SNX17: variants seen among roughly 807,000 people sequenced by gnomAD.
SNX17 encodes sorting nexin 17, also known as sorting nexin-17.
SNX17 carries 35 observed loss-of-function variants against 64.3 expected under a neutral mutation model. The observed-to-expected ratio is 0.54, with a 90% confidence interval of 0.42 to 0.72. The LOEUF is 0.72. Among genes scored for constraint, SNX17 ranks in the 30% least tolerant of loss-of-function variants. SNX17 has a pLI of 0.00. For missense variants in SNX17, 538 were observed against 610.0 expected, an observed-to-expected ratio of 0.88 and a Z score of 1.24; for synonymous variants, 259 against 230.2, an observed-to-expected ratio of 1.13 and a Z score of -1.13.
intron 6 of SNX17, 54 bp downstream of exon 6, chr2:27,374,229 G>GC (rs1401387882): frequency 2.5e-6 from 4 of 1,576,696 alleles, no homozygotes; most frequent in South Asian, 1.1e-5. Context: ...AGAGTTTGCA[G>GC]CCCCCCTAAC....
At position 27,375,220 on chromosome 2, in the gene SNX17, G is replaced by A. The variant is rs1683051483; in HGVS notation, c.774+67G>A. On this transcript the variant is annotated intron_variant, in intron 9 of 14. Transcript: ENST00000233575. The surrounding 1 kb of genome is among the most constrained non-coding windows in gnomAD (Gnocchi z 4.1). ...GTGGCGCGATCTTGGCTCACTGCAAGCTCTGCCTCTCAGATTCATGCCATT... is the reference window on the plus strand; with the variant it reads ...GTGGCGCGATCTTGGCTCACTGCAAACTCTGCCTCTCAGATTCATGCCATT... 23 of 1,436,126 alleles carry A rather than the reference G, an allele frequency of 1.6e-5. No individual in the cohort carries two copies. The highest frequency in any genetic ancestry group is 1.9e-5 in the Non-Finnish European group (20 of 1,029,248). 89.0% of individuals were successfully genotyped at this position (1,436,126 alleles called of 1,614,324 possible).
chr2:27,374,996 G>A, intron 8 of SNX17, 65 bp from the exon 9 acceptor site: 1 of 1,443,718 alleles, frequency 6.9e-7, no homozygotes, highest in African/African-American at 1.4e-5. Context: ...CAGAGGTAAT[G>A]GTAGACGCTT....
intron 6 of SNX17, 70 bp from the exon 7 acceptor site, chr2:27,374,276 G>T (rs1682938375): frequency 6.6e-7 from 1 of 1,516,618 alleles, no homozygotes; most frequent in South Asian, 1.1e-5. Flanking sequence ...ATTGCCTCAG[G>T]GCACTTCTTT....
In SNX17 at chr2:27,374,527, G is replaced by T. The variant is rs930331161; in HGVS notation, c.611+94G>T. 8.4e-6 allele frequency: 11 copies of T among 1,317,244 alleles called. No homozygotes were observed. In the Admixed American group the frequency reaches 1.6e-4, roughly 19 times the overall value. 81.6% of individuals were successfully genotyped at this position (1,317,244 alleles called of 1,614,324 possible). A position where few individuals can be genotyped will look rare whatever the true frequency, so the allele number is the denominator to read the frequency against. On this transcript the variant is annotated intron_variant, in intron 7 of 14. Coordinates refer to ENST00000233575, the MANE Select transcript of SNX17 (RefSeq NM_014748.4). ...TGAGACAGAATAATCTGGACAAGGG[G>T]GTGTAGTGCTGGGTGTTTCTGCCAG...
intron 3 of SNX17, 66 bp from the exon 4 acceptor site, chr2:27,373,181 A>T: frequency 6.2e-7 from 1 of 1,610,482 alleles, no homozygotes; most frequent in Non-Finnish European, 8.5e-7. Context: ...GAACCTACTG[A>T]GAGGAGGACT....
At chr2:27,372,153 G>A (rs1682670169) in intron 2 of SNX17, among the ~76,000 whole-genome samples, 1 of 152,218 alleles carries the variant, frequency 6.6e-6, no homozygotes, top group South Asian at 2.1e-4. Context: ...AAAATGCTGA[G>A]ATTACAGGCA....
Position 27,376,774 on chromosome 2 carries a change from CCT to C in SNX17, c.*56_*57del. On this transcript the variant is annotated 3_prime_UTR_variant, in exon 15 of 15. Coordinates refer to ENST00000233575, the MANE Select transcript of SNX17 (RefSeq NM_014748.4). ...CCCAGAGGAATTTACAGAAACTTGC[CCT>C]GTGCCTGTGTCCCCCATGCTAGGGG... 6.9e-7 allele frequency: 1 copy of C among 1,448,422 alleles called. No individual in the cohort carries two copies. The highest frequency in any genetic ancestry group is 9.7e-7 in the Non-Finnish European group (1 of 1,035,716). The allele number at this position is 1,448,422 out of a possible 1,614,324, so 89.7% of individuals were successfully genotyped here.
intron 3 of SNX17, 197 bp from the exon 4 acceptor site, chr2:27,373,050 T>C (rs1250622670): frequency 1.3e-6 from 2 of 1,548,762 alleles, no homozygotes; most frequent in Admixed American, 2.0e-5. Flanking sequence ...TTCTATAGAC[T>C]GGACTCACCT....
Position 27,374,061 on chromosome 2 carries a change from C to CTGTA in SNX17, c.433-23_433-20dup. 1.9e-6 allele frequency: 3 copies of CTGTA among 1,611,742 alleles called. No individual in the cohort carries two copies. The East Asian group carries it at 6.7e-5, about 36-fold the overall frequency. On this transcript the variant is annotated intron_variant, in intron 5 of 14. Transcript: ENST00000233575. ...GATTGGAACCAGCCAGTATGATGAGCTGTACTTCTATCCCTATCCCCAGGC... is the reference window on the plus strand; with the variant it reads ...GATTGGAACCAGCCAGTATGATGAGCTGTATGTACTTCTATCCCTATCCCCAGGC...
At position 27,371,254 on chromosome 2, in the gene SNX17, CTT is replaced by C. The variant is rs1558299724; in HGVS notation, c.64-12_64-11del. ...ACCGCAACCCTAAAATGCTTGACTACTTTTGTGTCCTCAGGCCTATAACATTC... is the reference window on the plus strand; with the variant it reads ...ACCGCAACCCTAAAATGCTTGACTACTTGTGTCCTCAGGCCTATAACATTC... On this transcript the variant is annotated splice_polypyrimidine_tract_variant and intron_variant, in intron 1 of 14. Transcript: ENST00000233575. 7 of 1,612,918 alleles carry C rather than the reference CTT, an allele frequency of 4.3e-6. No homozygotes were observed. In the South Asian group the frequency reaches 7.7e-5, roughly 18 times the overall value.
At position 27,372,671 on chromosome 2, in the gene SNX17, A is replaced by C; in HGVS notation, c.187A>C (p.Lys63Gln). ...TGTGCTTCCTGCATTCCCCCCAAAG[A>C]AGCTTTTCTCTCTGACTCCTGCTGA... ...ANVLPAFPPK[K>Q]LFSLTPAEVE... is the part of the protein sequence containing the mutation. Residue 63 changes from lysine to glutamine, a missense_variant, in exon 3 of 15, where the codon AAG becomes CAG. This residue lies in a region of SNX17 where 505 missense variants were observed against 550.4 expected (regional missense o/e 0.92). Coordinates refer to ENST00000233575, the MANE Select transcript of SNX17 (RefSeq NM_014748.4). 3 of 1,614,190 alleles carry C rather than the reference A, an allele frequency of 1.9e-6. No homozygotes were observed. Among genetic ancestry groups the C allele is most frequent in the Non-Finnish European group, 2.5e-6 (3 of 1,180,030 alleles).
Position 27,375,630 on chromosome 2 carries a change from A to AGCTCCGCCTGCC in SNX17, c.900_911dup (p.Leu301_Pro304dup). On this transcript the variant is annotated inframe_insertion, in exon 10 of 15. Coordinates refer to ENST00000233575, the MANE Select transcript of SNX17 (RefSeq NM_014748.4). The surrounding 1 kb of genome is among the most constrained non-coding windows in gnomAD (Gnocchi z 4.1). ...GCGGGCAACAGTGAGCTCAGCCTGC[A>AGCTCCGCCTGCC]GCTCCGCCTGCCTGGCCAGCAACTC... 6.2e-7 allele frequency: 1 copy of AGCTCCGCCTGCC among 1,614,138 alleles called. No individual in the cohort carries two copies. Among genetic ancestry groups the AGCTCCGCCTGCC allele is most frequent in the Non-Finnish European group, 8.5e-7 (1 of 1,180,022 alleles).
chr2:27,372,683 C>T lies in SNX17; in HGVS notation c.199C>T (p.Leu67=), dbSNP rs752920720. The change falls in exon 3 of 15, where the codon CTG becomes TTG. Residue 67 remains leucine, a synonymous_variant. Transcript: ENST00000233575. ...ATTCCCCCCAAAGAAGCTTTTCTCT[C>T]TGACTCCTGCTGAGGTAGAACAGAG... ...PAFPPKKLFS[L]TPAEVEQRRE... is the part of the protein sequence containing the mutation. 6.2e-7 allele frequency: 1 copy of T among 1,614,212 alleles called. No individual in the cohort carries two copies. Among genetic ancestry groups the T allele is most frequent in the Admixed American group, 1.7e-5 (1 of 60,028 alleles).
rs369023576 is a variant in SNX17 at position 27,375,726 on chromosome 2, G to C, written c.978+17G>C. 3.3e-4 allele frequency: 527 copies of C among 1,613,428 alleles called. No homozygotes were observed. Among genetic ancestry groups the C allele is most frequent in the Non-Finnish European group, 4.2e-4 (492 of 1,179,970 alleles). ...ACCTCCTCTGTGAGTCGGGTTAGGA[G>C]GGGGAAGGGCCTGGGTTGGGGGCCC... On this transcript the variant is annotated intron_variant, in intron 10 of 14. Transcript: ENST00000233575. This position sits in a 1 kb window ranked among gnomAD's most constrained non-coding sequence, Gnocchi z 4.1.
At chr2:27,373,389 G>A in intron 4 of SNX17, 78 bp downstream of exon 4, 1 of 1,488,142 alleles carries the variant, frequency 6.7e-7, no homozygotes, top group Non-Finnish European at 9.3e-7. Flanking sequence ...TTGAGACAGA[G>A]TCTTGCTCTT....
chr2:27,374,136 C>T lies in SNX17; in HGVS notation c.484C>T (p.Leu162=). The stretch of plus-strand genomic sequence containing the variant: ...AGATGACTTGATTGGATACTTTAGT[C>T]TATTCTTAGTTCGAGAAAAAGAGGA... The part of the protein sequence containing the change: ...LPDDLIGYFS[L]FLVREKEDGA... The change falls in exon 6 of 15, where the codon CTA becomes TTA. Residue 162 remains leucine, a synonymous_variant. Transcript: ENST00000233575. 3 of 1,614,146 alleles carry T rather than the reference C, an allele frequency of 1.9e-6. No individual in the cohort carries two copies. The highest frequency in any genetic ancestry group is 2.5e-6 in the Non-Finnish European group (3 of 1,180,018).
At chr2:27,374,240 T>TGCC in intron 6 of SNX17, 65 bp downstream of exon 6, 1 of 1,410,710 alleles carries the variant, frequency 7.1e-7, no homozygotes, top group Non-Finnish European at 1.0e-6. Context: ...CCCCCCTAAC[T>TGCC]CCCCACCCCC....
At chr2:27,374,461 G>T (rs755233771) in intron 7 of SNX17, 28 bp downstream of exon 7, 4 of 1,578,392 alleles carry the variant, frequency 2.5e-6, no homozygotes, top group African/African-American at 2.7e-5. Context: ...AAGGGGAGGG[G>T]TGGGAGGTGC....
At chr2:27,371,431 C>G (rs1013992383) in intron 2 of SNX17, 88 bp downstream of exon 2, 10 of 1,499,770 alleles carry the variant, frequency 6.7e-6, no homozygotes, top group South Asian at 5.2e-5. Context: ...TCTTCTTGTT[C>G]CCGTAGGCTG....
Sources: allele counts gnomAD v4.1 joint callset (sites outside exome capture counted in the v4.1 genomes callset), GRCh38; gene constraint gnomAD v4.1.1; regional missense constraint gnomAD v4.1.1; non-coding constraint Gnocchi (gnomAD v3.1); transcripts MANE v1.5; gene names NCBI Gene and HGNC (gene_info 2026-07-23, HGNC 2026-07-21).